Variants in COL19A1 observed in about 807,000 individuals in gnomAD.
COL19A1 encodes the protein collagen alpha-1(XIX) chain.
In COL19A1, 159 loss-of-function variants were observed where a neutral mutation model predicts 190.2. The ratio of observed to expected loss-of-function variants is 0.84; its 90% CI spans 0.73 to 0.95. The LOEUF is 0.95. COL19A1 is among the 40% of genes least tolerant of loss of function. COL19A1 has a pLI of 0.00. For synonymous variants in COL19A1, 509 were observed against 458.9 expected, an observed-to-expected ratio of 1.11 and a Z score of -1.39; for missense variants, 1,418 against 1,431.9, an observed-to-expected ratio of 0.99 and a Z score of 0.16.
At chr6:70,101,270 C>T (rs1219236420) in intron 15 of COL19A1, among the ~76,000 whole-genome samples, 1 of 152,082 alleles carries the variant, frequency 6.6e-6, no homozygotes, top group Non-Finnish European at 1.5e-5. Context: ...CTCATAAATG[C>T]TTCTCATTCA....
Position 70,186,504 on chromosome 6 carries a change from C to A in COL19A1, c.2857-1571C>A, listed in dbSNP as rs942741435. 1.3e-5 allele frequency among the ~76,000 whole-genome samples: 2 copies of A among 152,148 alleles called. 1 individual carries two copies. Among genetic ancestry groups the A allele is most frequent in the East Asian group, 3.8e-4 (2 of 5,202 alleles). ...TATCTGATTCTATGATCACACAAAT[C>A]TCTGTAACTGTTCATTTATTTCTGT... On this transcript the variant is annotated intron_variant, in intron 46 of 50. Coordinates refer to ENST00000620364, the MANE Select transcript of COL19A1 (RefSeq NM_001858.6).
At chr6:69,896,921 TCTC>T (rs1769816690) in intron 2 of COL19A1, among the ~76,000 whole-genome samples, 1 of 152,212 alleles carries the variant, frequency 6.6e-6, no homozygotes, top group African/African-American at 2.4e-5. Flanking sequence ...GGAGGTAACT[TCTC>T]CTAATTTATG....
intron 14 of COL19A1, among the ~76,000 whole-genome samples, chr6:70,041,559 G>A (rs149260401): frequency 9.9e-5 from 15 of 152,004 alleles, no homozygotes; most frequent in African/African-American, 1.2e-4. Context: ...TTACTACATC[G>A]TACATAAGGG....
chr6:70,194,421 A>C (rs867119297), intron 48 of COL19A1, among the ~76,000 whole-genome samples: 1 of 152,024 alleles, frequency 6.6e-6, no homozygotes, highest in East Asian at 1.9e-4. Flanking sequence ...CCCTTCCCAA[A>C]CCTAACTGTG....
At chr6:70,204,184 G>A (rs1347144028) in intron 49 of COL19A1, among the ~76,000 whole-genome samples, 1 of 152,066 alleles carries the variant, frequency 6.6e-6, no homozygotes, top group Non-Finnish European at 1.5e-5. Flanking sequence ...TATCGTATAT[G>A]GAAATACATG....
intron 11 of COL19A1, among the ~76,000 whole-genome samples, chr6:69,992,673 C>A (rs944708368): frequency 2.0e-5 from 3 of 151,882 alleles, no homozygotes; most frequent in Non-Finnish European, 2.9e-5. Context: ...CTTTCACTTC[C>A]CTGGTTGGCC....
At chr6:70,114,173 C>G (rs140949791) in intron 16 of COL19A1, among the ~76,000 whole-genome samples, 20 of 152,190 alleles carry the variant, frequency 1.3e-4, no homozygotes, top group African/African-American at 4.8e-4. Flanking sequence ...ATGTCTACAC[C>G]AAGTCTCAGA....
intron 11 of COL19A1, among the ~76,000 whole-genome samples, chr6:70,023,356 G>A (rs1051496994): frequency 3.1e-4 from 47 of 152,078 alleles, no homozygotes; most frequent in Admixed American, 1.0e-3. Flanking sequence ...GGCTGGTCTC[G>A]AAATCCTGAC....
chr6:70,092,883 A>G (rs922070390), intron 15 of COL19A1, among the ~76,000 whole-genome samples: 1 of 152,184 alleles, frequency 6.6e-6, no homozygotes, highest in Non-Finnish European at 1.5e-5. Context: ...ATTTGTTCCA[A>G]TGCTCACTGG....
intron 16 of COL19A1, among the ~76,000 whole-genome samples, chr6:70,112,184 G>A (rs1784320867): frequency 6.6e-6 from 1 of 152,166 alleles, no homozygotes; most frequent in Non-Finnish European, 1.5e-5. Context: ...CAAACAAGGG[G>A]ATGGAGGCAC....
chr6:70,184,051 G>C (rs1243845196), intron 44 of COL19A1, among the ~76,000 whole-genome samples: 1 of 152,170 alleles, frequency 6.6e-6, no homozygotes, highest in Non-Finnish European at 1.5e-5. Flanking sequence ...TAAAGTTCAA[G>C]AAACTTCCAG....
intron 14 of COL19A1, among the ~76,000 whole-genome samples, chr6:70,065,246 G>A (rs1781104749): frequency 6.6e-6 from 1 of 152,108 alleles, no homozygotes; most frequent in South Asian, 2.1e-4. Context: ...CATGATACTG[G>A]TACCAAAACA....
intron 17 of COL19A1, among the ~76,000 whole-genome samples, chr6:70,125,640 C>T (rs150000041): frequency 1.3e-5 from 2 of 152,018 alleles, no homozygotes; most frequent in African/African-American, 2.4e-5. Context: ...GAGAGACAGC[C>T]TAAGGAGTGA....
At chr6:70,047,940 A>T (rs1397980550) in intron 14 of COL19A1, among the ~76,000 whole-genome samples, 1 of 152,088 alleles carries the variant, frequency 6.6e-6, no homozygotes, top group Non-Finnish European at 1.5e-5. Flanking sequence ...TATATCCACT[A>T]ATTTTAGTTC....
At chr6:70,104,461 C>G (rs1000922307) in intron 16 of COL19A1, among the ~76,000 whole-genome samples, 8 of 152,144 alleles carry the variant, frequency 5.3e-5, no homozygotes, top group Non-Finnish European at 1.2e-4. Context: ...CAAGACAGCA[C>G]TAGGGGGATA....
At chr6:69,962,198 G>A (rs966227580) in intron 10 of COL19A1, among the ~76,000 whole-genome samples, 1 of 152,190 alleles carries the variant, frequency 6.6e-6, no homozygotes, top group African/African-American at 2.4e-5. Context: ...CAGAGAGGGT[G>A]TAGATGAAGA....
chr6:70,152,231 T>TAC (rs142325051), intron 31 of COL19A1, among the ~76,000 whole-genome samples: 3 of 151,790 alleles, frequency 2.0e-5, no homozygotes, highest in Admixed American at 6.6e-5. Context: ...TGTGTATGTG[T>TAC]ACACACACAC....
chr6:69,918,642 G>C (rs1264510590), intron 4 of COL19A1, among the ~76,000 whole-genome samples: 1 of 151,926 alleles, frequency 6.6e-6, no homozygotes, highest in Non-Finnish European at 1.5e-5. Flanking sequence ...GGAGGTTGAG[G>C]CTGCAATGAA....
intron 9 of COL19A1, among the ~76,000 whole-genome samples, chr6:69,958,673 C>T (rs1774581938): frequency 6.6e-6 from 1 of 152,184 alleles, no homozygotes; most frequent in African/African-American, 2.4e-5. Flanking sequence ...AGCTGTTTTA[C>T]CGTAGAATAC....
Sources: allele counts gnomAD v4.1 joint callset (sites outside exome capture counted in the v4.1 genomes callset), GRCh38; gene constraint gnomAD v4.1.1; transcripts MANE v1.5; gene names NCBI Gene and HGNC (gene_info 2026-07-23, HGNC 2026-07-21).